LRG1: variants seen among roughly 807,000 people sequenced by gnomAD.
LRG1 encodes leucine rich alpha-2-glycoprotein 1.
In LRG1, 1 loss-of-function variant was observed where a neutral mutation model predicts 2.4. The observed-to-expected ratio is 0.41, with a 90% confidence interval of 0.15 to 1.95. The LOEUF is 1.95. Ranked by LOEUF, LRG1 falls within the 30% of genes most tolerant of loss-of-function variation. The pLI, the probability that LRG1 is intolerant of heterozygous loss-of-function variation, is 0.30. For missense variants in LRG1, 425 were observed against 436.9 expected, an observed-to-expected ratio of 0.97 and a Z score of 0.24; for synonymous variants, 226 against 210.6, an observed-to-expected ratio of 1.07 and a Z score of -0.63.
At position 4,536,562 on chromosome 19, in the gene LRG1, C is replaced by G. The variant is rs937696755; in HGVS notation, c.*1378G>C. ...TAGCTGGTATTACAGGCACGTGCCACTGTGCCTGGCTAATTTTTGTATTTT... is the reference window on the plus strand; with the variant it reads ...TAGCTGGTATTACAGGCACGTGCCAGTGTGCCTGGCTAATTTTTGTATTTT... On this transcript the variant is annotated 3_prime_UTR_variant, in exon 2 of 2. Transcript: ENST00000306390. 15 of 152,236 alleles carry G rather than the reference C, an allele frequency of 9.9e-5. No individual in the cohort carries two copies. Among genetic ancestry groups the G allele is most frequent in the African/African-American group, 3.6e-4 (15 of 41,432 alleles). 9.4% of individuals were successfully genotyped at this position (152,236 alleles called of 1,614,324 possible). A position where few individuals can be genotyped will look rare whatever the true frequency, so the allele number is the denominator to read the frequency against.
chr19:4,539,906 G>A (rs957940625), intron 1 of LRG1, 76 bp downstream of exon 1: 5 of 1,566,268 alleles, frequency 3.2e-6, no homozygotes, highest in Non-Finnish European at 4.4e-6. Flanking sequence ...GACTTCTATG[G>A]GTTAGCTGGA....
rs574019708 is a variant in LRG1, at chr19:4,537,986, T to C, written c.998A>G (p.Glu333Gly). The C allele has an allele frequency of 5.6e-6, 9 of 1,613,602 alleles. No individual in the cohort carries two copies. The highest frequency in any genetic ancestry group is 2.7e-5 in the African/African-American group (2 of 75,066). Residue 333 changes from glutamate to glycine, a missense_variant, in exon 2 of 2, where the codon GAA (glutamate) becomes GGA (glycine). Coordinates refer to ENST00000306390, the MANE Select transcript of LRG1 (RefSeq NM_052972.3). ...SQNDTRCAGP[E>G]AVKGQTLLAV... ...CAGGAGCGTCTGGCCCTTCACGGCT[T>C]CAGGCCCAGCACAGCGCGTGTCATT...
rs766104924 is a variant in LRG1 at position 4,537,982 on chromosome 19, G to T, written c.1002C>A (p.Ala334=). 6.2e-7 allele frequency: 1 copy of T among 1,613,310 alleles called. No homozygotes were observed. Among genetic ancestry groups the T allele is most frequent in the Non-Finnish European group, 8.5e-7 (1 of 1,179,670 alleles). The change falls in exon 2 of 2, where the codon GCC becomes GCA. Residue 334 remains alanine (A), a synonymous_variant. Coordinates refer to ENST00000306390, the MANE Select transcript of LRG1 (RefSeq NM_052972.3). ...CTGCCAGGAGCGTCTGGCCCTTCAC[G>T]GCTTCAGGCCCAGCACAGCGCGTGT... ...QNDTRCAGPE[A]VKGQTLLAVA...
At position 4,538,908 on chromosome 19, in the gene LRG1, G is replaced by A. The variant is rs189006181; in HGVS notation, c.76C>T (p.Leu26=). The A allele has an allele frequency of 6.6e-6, 10 of 1,517,482 alleles. No individual in the cohort carries two copies. The highest frequency in any genetic ancestry group is 2.8e-5 in the African/African-American group (2 of 71,910). The allele number at this position is 1,517,482 out of a possible 1,614,324, so 94.0% of individuals were successfully genotyped here. A position where few individuals can be genotyped will look rare whatever the true frequency, so the allele number is the denominator to read the frequency against. Residue 26 remains leucine (L), a synonymous_variant, in exon 2 of 2, where the codon CTG becomes TTG. Coordinates refer to ENST00000306390, the MANE Select transcript of LRG1 (RefSeq NM_052972.3). ...QPHVSRTLFL[L]LLLAASAWGV... ...CAGGCTGAGGCTGCCAACAGCAGCA[G>A]CAGGAACAGAGTTCTAGAAACATGG...
intron 1 of LRG1, 73 bp from the exon 2 acceptor site, chr19:4,539,024 A>G: frequency 6.5e-6 from 9 of 1,391,350 alleles, no homozygotes; most frequent in Non-Finnish European, 8.6e-6. Context: ...ATACACCAGC[A>G]AATCCGCCCA....
At position 4,538,033 on chromosome 19, in the gene LRG1, T is replaced by C; in HGVS notation, c.951A>G (p.Gln317=). 5.0e-6 allele frequency: 8 copies of C among 1,614,196 alleles called. No homozygotes were observed. The highest frequency in any genetic ancestry group is 5.9e-6 in the Non-Finnish European group (7 of 1,180,056). ...LSDLYRWLQA[Q]KDKMFSQNDT... is the part of the protein sequence containing the mutation. The stretch of plus-strand genomic sequence containing the variant: ...CATTCTGGGAAAACATCTTGTCTTT[T>C]TGGGCCTGAAGCCAACGATAGAGGT... Residue 317 remains glutamine, a synonymous_variant, in exon 2 of 2, where the codon CAA becomes CAG. Coordinates refer to ENST00000306390, the MANE Select transcript of LRG1 (RefSeq NM_052972.3).
rs995352385 is a variant in LRG1 at position 4,536,916 on chromosome 19, G to A, written c.*1024C>T. 3.9e-5 allele frequency: 6 copies of A among 152,264 alleles called. No homozygotes were observed. The highest frequency in any genetic ancestry group is 1.2e-4 in the African/African-American group (5 of 41,464). The allele number at this position is 152,264 out of a possible 1,614,324, so 9.4% of individuals were successfully genotyped here. ...TGATCTCAGGTCAGCATGACAAATC[G>A]TTTGGAGACCTGGGCAATCTGGTTT... On this transcript the variant is annotated 3_prime_UTR_variant, in exon 2 of 2. Transcript: ENST00000306390.
Position 4,538,270 on chromosome 19 carries a change from C to T in LRG1, c.714G>A (p.Leu238=). The change falls in exon 2 of 2, where the codon CTG becomes CTA. Residue 238 remains leucine (L), a synonymous_variant. Coordinates refer to ENST00000306390, the MANE Select transcript of LRG1 (RefSeq NM_052972.3). ...TGTTGCCGTTCAGGAAGAGGTAGCGCAGGTCCGGCTGCGGCAAGAGGAGAT... is the reference window on the plus strand; with the variant it reads ...TGTTGCCGTTCAGGAAGAGGTAGCGTAGGTCCGGCTGCGGCAAGAGGAGAT... ...GKDLLLPQPD[L]RYLFLNGNKL... The T allele has an allele frequency of 1.2e-6, 2 of 1,614,192 alleles. No individual in the cohort carries two copies. Among genetic ancestry groups the T allele is most frequent in the South Asian group, 2.2e-5 (2 of 91,086 alleles).
Position 4,538,623 on chromosome 19 carries a change from G to A in LRG1, c.361C>T (p.Leu121=). 6.2e-7 allele frequency: 1 copy of A among 1,613,060 alleles called. No homozygotes were observed. Residue 121 remains leucine, a synonymous_variant, in exon 2 of 2, where the codon CTG becomes TTG. Transcript: ENST00000306390. ...FLRPVPQLRV[L]DLTRNALTGL... is the part of the protein sequence containing the mutation. ...GTCAGGGCGTTTCGGGTTAGATCCA[G>A]CACCCTCAGCTGCGGCACTGGCCGC... is the stretch of plus-strand genomic sequence containing the variant.
chr19:4,538,809 G>A lies in LRG1; in HGVS notation c.175C>T (p.Pro59Ser). The part of the protein sequence containing the change: ...DHGSSISCQP[P>S]AEIPGYLPAD... The stretch of plus-strand genomic sequence containing the variant: ...GGCAGGTAGCCGGGGATTTCGGCAG[G>A]TGGTTGACAGGAGATGGAGCTGCCA... Residue 59 changes from proline to serine, a missense_variant, in exon 2 of 2, where the codon CCT becomes TCT. Physicochemically the swap from Pro to Ser is moderately conservative, Grantham distance 74 (BLOSUM62 -1). Coordinates refer to ENST00000306390, the MANE Select transcript of LRG1 (RefSeq NM_052972.3). 1 of 1,602,816 alleles carries A rather than the reference G, an allele frequency of 6.2e-7. No homozygotes were observed.
chr19:4,538,620 C>T lies in LRG1; in HGVS notation c.364G>A (p.Asp122Asn). 3 of 1,613,154 alleles carry T rather than the reference C, an allele frequency of 1.9e-6. No individual in the cohort carries two copies. The highest frequency in any genetic ancestry group is 2.5e-6 in the Non-Finnish European group (3 of 1,179,452). ...CCGGTCAGGGCGTTTCGGGTTAGAT[C>T]CAGCACCCTCAGCTGCGGCACTGGC... is the stretch of plus-strand genomic sequence containing the variant. ...LRPVPQLRVLDLTRNALTGLP... is the reference protein window; with the variant it reads ...LRPVPQLRVLNLTRNALTGLP... Residue 122 changes from aspartate to asparagine, a missense_variant, in exon 2 of 2, where the codon GAT (aspartate) becomes AAT (asparagine). Physicochemically the swap from Asp to Asn is conservative, Grantham distance 23 (BLOSUM62 1). Coordinates refer to ENST00000306390, the MANE Select transcript of LRG1 (RefSeq NM_052972.3).
rs374468552 is a variant in LRG1 at position 4,538,501 on chromosome 19, G to A, written c.483C>T (p.His161=). Reference sequence around the variant, plus strand: ...CCAGATGCCCCAGAGCTTTCAGGCCGTGTAGCCACGAGACCTCCAGGACCT... The same window carrying A: ...CCAGATGCCCCAGAGCTTTCAGGCCATGTAGCCACGAGACCTCCAGGACCT... ...QLEVLEVSWL[H]GLKALGHLDL... Residue 161 remains histidine, a synonymous_variant, in exon 2 of 2, where the codon CAC becomes CAT. Transcript: ENST00000306390. 4.8e-5 allele frequency: 77 copies of A among 1,613,868 alleles called. No homozygotes were observed. The highest frequency in any genetic ancestry group is 6.7e-5 in the East Asian group (3 of 44,890).
At position 4,537,692 on chromosome 19, in the gene LRG1, C is replaced by G. The variant is rs1000218377; in HGVS notation, c.*248G>C. 1 of 469,330 alleles carries G rather than the reference C, an allele frequency of 2.1e-6. No homozygotes were observed. Among genetic ancestry groups the G allele is most frequent in the African/African-American group, 1.9e-5 (1 of 51,454 alleles). The allele number at this position is 469,330 out of a possible 1,614,324, so 29.1% of individuals were successfully genotyped here. A position where few individuals can be genotyped will look rare whatever the true frequency, so the allele number is the denominator to read the frequency against. ...ACGCCATTCTCCTGCCTCAGCCTCC[C>G]GAGTTGCTGGGACTACAGGTGCCCA... On this transcript the variant is annotated 3_prime_UTR_variant, in exon 2 of 2. Coordinates refer to ENST00000306390, the MANE Select transcript of LRG1 (RefSeq NM_052972.3).
In LRG1 at chr19:4,537,818, G is replaced by A; in HGVS notation, c.*122C>T. On this transcript the variant is annotated 3_prime_UTR_variant, in exon 2 of 2. Transcript: ENST00000306390. ...TCCTGACCTCGTGATCCGCCCACCT[G>A]GGCCTCCCAAAGTGCTGGGATTACA... 1 of 1,102,526 alleles carries A rather than the reference G, an allele frequency of 9.1e-7. No homozygotes were observed. The highest frequency in any genetic ancestry group is 1.6e-5 in the African/African-American group (1 of 63,372). The allele number at this position is 1,102,526 out of a possible 1,614,324, so 68.3% of individuals were successfully genotyped here.
rs557503001 is a variant in LRG1 at position 4,538,003 on chromosome 19, C to A, written c.981G>T (p.Thr327=). 1 of 1,613,940 alleles carries A rather than the reference C, an allele frequency of 6.2e-7. No homozygotes were observed. The highest frequency in any genetic ancestry group is 1.1e-5 in the South Asian group (1 of 91,086). ...QKDKMFSQND[T]RCAGPEAVKG... is the part of the protein sequence containing the mutation. ...TCACGGCTTCAGGCCCAGCACAGCGCGTGTCATTCTGGGAAAACATCTTGT... is the reference window on the plus strand; with the variant it reads ...TCACGGCTTCAGGCCCAGCACAGCGAGTGTCATTCTGGGAAAACATCTTGT... Residue 327 remains threonine, a synonymous_variant, in exon 2 of 2, where the codon ACG becomes ACT. Coordinates refer to ENST00000306390, the MANE Select transcript of LRG1 (RefSeq NM_052972.3).
At position 4,539,966 on chromosome 19, in the gene LRG1, T is replaced by C; in HGVS notation, c.32+16A>G. The stretch of plus-strand genomic sequence containing the variant: ...GGCGTTCAAACCTGCCTAGGACAGG[T>C]AGTGTGGGGACCTACCTTTTTGGTC... On this transcript the variant is annotated intron_variant, in intron 1 of 1. Coordinates refer to ENST00000306390, the MANE Select transcript of LRG1 (RefSeq NM_052972.3). 6.2e-7 allele frequency: 1 copy of C among 1,614,098 alleles called. No individual in the cohort carries two copies. Among genetic ancestry groups the C allele is most frequent in the Middle Eastern group, 1.7e-4 (1 of 6,060 alleles).
rs1976960816 is a variant in LRG1 at position 4,537,750 on chromosome 19, G to T, written c.*190C>A. ...GCCTGGCTAATTTTTTATATTTTTAGTAGAGACAGGGTTTCACCATGTTAG... is the reference window on the plus strand; with the variant it reads ...GCCTGGCTAATTTTTTATATTTTTATTAGAGACAGGGTTTCACCATGTTAG... On this transcript the variant is annotated 3_prime_UTR_variant, in exon 2 of 2. Coordinates refer to ENST00000306390, the MANE Select transcript of LRG1 (RefSeq NM_052972.3). The T allele has an allele frequency of 3.3e-6, 2 of 613,370 alleles. No individual in the cohort carries two copies. The highest frequency in any genetic ancestry group is 5.5e-6 in the Non-Finnish European group (2 of 364,314). 38.0% of individuals were successfully genotyped at this position (613,370 alleles called of 1,614,324 possible).
Position 4,538,386 on chromosome 19 carries a change from A to G in LRG1, c.598T>C (p.Leu200=), listed in dbSNP as rs1170358023. The G allele has an allele frequency of 3.1e-6, 5 of 1,614,172 alleles. No individual in the cohort carries two copies. Among genetic ancestry groups the G allele is most frequent in the Admixed American group, 3.3e-5 (2 of 60,014 alleles). The change falls in exon 2 of 2, where the codon TTG becomes CTG. Residue 200 remains leucine (L), a synonymous_variant. Transcript: ENST00000306390. ...AGGAGGTCAGGTGGCAAGGTCTCCAACTGGTTCTCCCCAAGGTCAAGGGTG... is the reference window on the plus strand; with the variant it reads ...AGGAGGTCAGGTGGCAAGGTCTCCAGCTGGTTCTCCCCAAGGTCAAGGGTG... ...LRTLDLGENQ[L]ETLPPDLLRG...
chr19:4,537,789 G>A lies in LRG1; in HGVS notation c.*151C>T, dbSNP rs932271912. ...TCACCATGTTAGCCAAGATGGTCTC[G>A]ATCTCCTGACCTCGTGATCCGCCCA... On this transcript the variant is annotated 3_prime_UTR_variant, in exon 2 of 2. Coordinates refer to ENST00000306390, the MANE Select transcript of LRG1 (RefSeq NM_052972.3). 47 of 786,158 alleles carry A rather than the reference G, an allele frequency of 6.0e-5. 1 individual carries two copies. The highest frequency in any genetic ancestry group is 5.6e-4 in the Admixed American group (19 of 33,762). 48.7% of individuals were successfully genotyped at this position (786,158 alleles called of 1,614,324 possible). A position where few individuals can be genotyped will look rare whatever the true frequency, so the allele number is the denominator to read the frequency against.
Sources: allele counts gnomAD v4.1 joint callset, GRCh38; gene constraint gnomAD v4.1.1; transcripts MANE v1.5; gene names NCBI Gene and HGNC (gene_info 2026-07-23, HGNC 2026-07-21).